Variants in WDR7 observed in about 807,000 individuals in gnomAD.
The protein encoded by WDR7 is WD repeat domain 7.
A neutral mutation model predicts 169.4 loss-of-function variants in WDR7; 46 were observed. The observed-to-expected ratio is 0.27, with a 90% CI of 0.21 to 0.35. The LOEUF (loss-of-function observed/expected upper bound fraction) is 0.35, where lower values mean the gene tolerates loss of function less well. Among genes scored for constraint, WDR7 ranks in the 10% least tolerant of loss-of-function variants. The pLI is 1.00. For missense variants in WDR7, 1,534 were observed against 1,859.3 expected (o/e 0.83, Z 3.22); for synonymous variants, 612 against 666.8 (o/e 0.92, Z 1.27).
intron 20 of WDR7, among the ~76,000 whole-genome samples, chr18:56,830,419 CATT>C (rs1471663484): frequency 6.6e-6 from 1 of 152,138 alleles, no homozygotes; most frequent in African/African-American, 2.4e-5. Context: ...CTAATGCCCT[CATT>C]ATTTTCTCAT....
At chr18:56,991,479 A>C (rs2047818723) in intron 26 of WDR7, among the ~76,000 whole-genome samples, 1 of 152,154 alleles carries the variant, frequency 6.6e-6, no homozygotes, top group Admixed American at 6.5e-5. Context: ...TGGCCAAATG[A>C]GAGTTGGAGT....
intron 7 of WDR7, among the ~76,000 whole-genome samples, chr18:56,689,834 A>G (rs1417112285): frequency 1.3e-5 from 2 of 151,000 alleles, no homozygotes; most frequent in African/African-American, 4.8e-5. Flanking sequence ...GCTTTAACAG[A>G]TAATAGGGCT....
chr18:56,827,929 T>C (rs1599079399), intron 20 of WDR7, among the ~76,000 whole-genome samples: 2 of 152,326 alleles, frequency 1.3e-5, no homozygotes, highest in South Asian at 2.1e-4. Flanking sequence ...GGAATGTTTT[T>C]AGAAGAACTG....
rs533419603 is a variant in WDR7 at position 56,905,297 on chromosome 18, C to T, written c.3527-18625C>T. Among the ~76,000 whole-genome samples the T allele has an allele frequency of 2.1e-3, 316 of 152,160 alleles. 2 individuals carry two copies. The highest frequency in any genetic ancestry group is 1.6e-3 in the East Asian group (8 of 5,156). ...CCGAGTAGCTGGGACTACAGTTTTG[C>T]ACCACCACACCCAGCTAGTTTCTGT... On this transcript the variant is annotated intron_variant, in intron 21 of 27. Transcript: ENST00000254442.
intron 19 of WDR7, among the ~76,000 whole-genome samples, chr18:56,792,061 A>G (rs2044496431): frequency 6.6e-6 from 1 of 152,074 alleles, no homozygotes; most frequent in South Asian, 2.1e-4. Flanking sequence ...TCTGTCACGA[A>G]GGCTGGAGTG....
intron 21 of WDR7, among the ~76,000 whole-genome samples, chr18:56,905,244 G>C (rs1438007880): frequency 6.6e-6 from 1 of 152,130 alleles, no homozygotes; most frequent in East Asian, 1.9e-4. Flanking sequence ...CACCTCCTGG[G>C]TTCAAGAGAT....
intron 14 of WDR7, among the ~76,000 whole-genome samples, chr18:56,745,697 T>C (rs892706286): frequency 2.6e-5 from 4 of 152,154 alleles, no homozygotes; most frequent in Non-Finnish European, 5.9e-5. Context: ...GGCCTGAAGG[T>C]TGGGGACCCT....
At chr18:56,882,110 C>T (rs948839740) in intron 21 of WDR7, among the ~76,000 whole-genome samples, 4 of 152,176 alleles carry the variant, frequency 2.6e-5, no homozygotes, top group Admixed American at 6.5e-5. Context: ...CCTCCCCACT[C>T]GGGCTTATTT....
In WDR7 at chr18:56,781,565, G is replaced by A. The variant is rs747771275; in HGVS notation, c.3099G>A (p.Ala1033=). 20 of 1,611,052 alleles carry A rather than the reference G, an allele frequency of 1.2e-5. No homozygotes were observed. The South Asian group carries it at 1.4e-4, about 12-fold the overall frequency. ...VREAAQALLL[A]ELRRIEQAGR... Reference sequence around the variant, plus strand: ...AAGCCGCGCAGGCCCTGCTTCTGGCGGAACTGAGAAGAATTGAGCAGGCAG... The same window carrying A: ...AAGCCGCGCAGGCCCTGCTTCTGGCAGAACTGAGAAGAATTGAGCAGGCAG... Residue 1033 remains alanine (A), a synonymous_variant, in exon 19 of 28, where the codon GCG becomes GCA. Transcript: ENST00000254442.
rs73958741 is a variant in WDR7 at position 57,013,082 on chromosome 18, T to G, written c.4165-7663T>G. Among the ~76,000 whole-genome samples the G allele has an allele frequency of 3.3e-3, 506 of 152,332 alleles. 1 individual carries two copies. The highest frequency in any genetic ancestry group is 0.011 in the African/African-American group (459 of 41,572). On this transcript the variant is annotated intron_variant, in intron 26 of 27. Transcript: ENST00000254442. ...AGTTTCATGGAAGACAAGTTTTCCA[T>G]GGACCTGAGTGGGATGGATGGTTTT...
chr18:56,856,399 T>C (rs1301833082), intron 20 of WDR7, among the ~76,000 whole-genome samples: 1 of 152,002 alleles, frequency 6.6e-6, no homozygotes, highest in East Asian at 1.9e-4. Context: ...CCAGGCAAGG[T>C]AACACGTGCC....
intron 25 of WDR7, among the ~76,000 whole-genome samples, chr18:56,951,208 T>A (rs557171190): frequency 6.6e-6 from 1 of 152,270 alleles, no homozygotes; most frequent in South Asian, 2.1e-4. Flanking sequence ...TTCACTCCTC[T>A]TGTTTATCCT....
intron 26 of WDR7, among the ~76,000 whole-genome samples, chr18:56,993,535 T>C (rs1018985992): frequency 6.6e-6 from 1 of 152,100 alleles, no homozygotes; most frequent in Non-Finnish European, 1.5e-5. Context: ...TAAAGGCTCT[T>C]AAAAAATTGA....
At chr18:56,774,731 T>G (rs1316019445) in intron 16 of WDR7, among the ~76,000 whole-genome samples, 1 of 152,132 alleles carries the variant, frequency 6.6e-6, no homozygotes, top group Non-Finnish European at 1.5e-5. Context: ...TTGAAAGTGC[T>G]GTAGATTTTG....
chr18:56,986,128 TTGTGTGTGTG>T (rs60449836), intron 26 of WDR7, among the ~76,000 whole-genome samples: 2,884 of 136,308 alleles, frequency 0.021, 51 homozygotes, highest in Middle Eastern at 0.037. Context: ...TTCAGCTTCT[TTGTGTGTGTG>T]TGTGTGTGTG....
At chr18:56,954,758 G>A (rs544847989) in intron 25 of WDR7, among the ~76,000 whole-genome samples, 1 of 152,232 alleles carries the variant, frequency 6.6e-6, no homozygotes, top group East Asian at 1.9e-4. Context: ...AGTAAAAAGT[G>A]TCATTGGGGA....
chr18:56,656,073 G>A (rs1288518490), intron 1 of WDR7, among the ~76,000 whole-genome samples: 1 of 152,172 alleles, frequency 6.6e-6, no homozygotes, highest in Non-Finnish European at 1.5e-5. Flanking sequence ...GTGTGTGTGT[G>A]TGCGTATGGA....
intron 19 of WDR7, among the ~76,000 whole-genome samples, chr18:56,796,208 C>A (rs375691691): frequency 1.3e-5 from 2 of 152,110 alleles, no homozygotes; most frequent in South Asian, 4.1e-4. Flanking sequence ...CACATAGTGC[C>A]ACTGTAAGGG....
intron 1 of WDR7, among the ~76,000 whole-genome samples, chr18:56,667,710 G>C (rs935842333): frequency 6.6e-5 from 10 of 152,068 alleles, no homozygotes; most frequent in African/African-American, 2.4e-4. Context: ...AAGTACCTTT[G>C]TGTGAAACTT....
Sources: gnomAD v4.1 joint callset for allele counts (sites outside exome capture counted in the v4.1 genomes callset) on GRCh38, gnomAD v4.1.1 for gene constraint, MANE v1.5 for transcripts, NCBI Gene and HGNC (gene_info 2026-07-23, HGNC 2026-07-21) for gene names.